Variants in PTPRK observed in about 807,000 individuals in gnomAD.
PTPRK encodes the protein receptor-type tyrosine-protein phosphatase kappa.
A neutral mutation model predicts 178.0 loss-of-function variants in PTPRK; 75 were observed. The observed-to-expected ratio is 0.42, with a 90% CI of 0.35 to 0.51. The LOEUF is 0.51. PTPRK is among the 20% of genes least tolerant of loss of function. The probability of loss-of-function intolerance (pLI) is 0.02; values close to 1 mark genes in which losing one functional copy is unlikely to be tolerated. For missense variants in PTPRK, 1,441 were observed against 1,797.8 expected, an observed-to-expected ratio of 0.80 and a Z score of 3.59; for synonymous variants, 637 against 620.6, an observed-to-expected ratio of 1.03 and a Z score of -0.39.
chr6:128,124,890 T>G (rs941808247), intron 7 of PTPRK, among the ~76,000 whole-genome samples: 1 of 152,202 alleles, frequency 6.6e-6, no homozygotes, highest in Admixed American at 6.5e-5. Context: ...CCATGAGTCA[T>G]GAGCCTGCTG....
chr6:128,260,768 A>G (rs1818061188), intron 3 of PTPRK, among the ~76,000 whole-genome samples: 1 of 152,182 alleles, frequency 6.6e-6, no homozygotes, highest in Admixed American at 6.6e-5. Context: ...TGGTCCCTGA[A>G]CTTTCATGTA....
chr6:128,121,354 T>G (rs1192736766), intron 7 of PTPRK, among the ~76,000 whole-genome samples: 2 of 151,946 alleles, frequency 1.3e-5, no homozygotes, highest in African/African-American at 4.8e-5. Context: ...ATACAAATGT[T>G]AAATGGAAGT....
chr6:128,448,886 G>A (rs1217265472), intron 1 of PTPRK, among the ~76,000 whole-genome samples: 2 of 152,152 alleles, frequency 1.3e-5, no homozygotes, highest in African/African-American at 4.8e-5. Context: ...TTGAGAAAGA[G>A]TCTCGCTTTG....
intron 6 of PTPRK, among the ~76,000 whole-genome samples, chr6:128,205,777 CAAAAAAAA>C (rs57003128): frequency 1.1e-3 from 16 of 15,230 alleles, no homozygotes; most frequent in African/African-American, 2.9e-3. Flanking sequence ...CATCACAGAC[CAAAAAAAA>C]AAAAAAAAAA....
intron 2 of PTPRK, 22 bp from the exon 3 acceptor site, chr6:128,322,332 T>C: frequency 6.5e-7 from 1 of 1,535,902 alleles, no homozygotes; most frequent in Non-Finnish European, 9.0e-7. Context: ...TTACAAATAA[T>C]AATGCTAAAG....
Position 127,973,016 on chromosome 6 carries a change from A to T in PTPRK, c.4269+6T>A, listed in dbSNP as rs1774116970. On this transcript the variant is annotated splice_donor_region_variant and intron_variant, in intron 29 of 29. Transcript: ENST00000368226. ...TGCCTTCCAAATCTAAGATTCTGTGACTCACCGGGGCTTCCACCATGTTTG... is the reference window on the plus strand; with the variant it reads ...TGCCTTCCAAATCTAAGATTCTGTGTCTCACCGGGGCTTCCACCATGTTTG... 2 of 1,613,610 alleles carry T rather than the reference A, an allele frequency of 1.2e-6. No individual in the cohort carries two copies. The highest frequency in any genetic ancestry group is 4.5e-5 in the East Asian group (2 of 44,860).
At chr6:128,150,518 C>T (rs780351369) in intron 7 of PTPRK, among the ~76,000 whole-genome samples, 33 of 152,114 alleles carry the variant, frequency 2.2e-4, no homozygotes, top group Admixed American at 2.0e-4. Flanking sequence ...TTTCCCTCCC[C>T]GGCCTTCCCT....
At chr6:128,279,315 TAA>T (rs1443753512) in intron 3 of PTPRK, among the ~76,000 whole-genome samples, 1 of 152,046 alleles carries the variant, frequency 6.6e-6, no homozygotes, top group Non-Finnish European at 1.5e-5. Context: ...AAAATTAACA[TAA>T]GTCAGCCCCT....
At chr6:128,212,955 T>C (rs573307309) in intron 6 of PTPRK, among the ~76,000 whole-genome samples, 1 of 152,022 alleles carries the variant, frequency 6.6e-6, no homozygotes, top group African/African-American at 2.4e-5. Flanking sequence ...GTATTTGGCA[T>C]AATGGTGTAC....
At chr6:128,076,022 G>C (rs1039681437) in intron 11 of PTPRK, among the ~76,000 whole-genome samples, 1 of 151,910 alleles carries the variant, frequency 6.6e-6, no homozygotes, top group East Asian at 1.9e-4. Context: ...AGGTGACAGG[G>C]GTGGCAGGGG....
chr6:128,138,461 C>T (rs1795315148), intron 7 of PTPRK, among the ~76,000 whole-genome samples: 1 of 152,040 alleles, frequency 6.6e-6, no homozygotes, highest in Admixed American at 6.6e-5. Context: ...AATTTCATTC[C>T]TTATTCAAGA....
At chr6:128,407,926 T>C (rs751768037) in intron 1 of PTPRK, among the ~76,000 whole-genome samples, 5 of 152,190 alleles carry the variant, frequency 3.3e-5, no homozygotes, top group Non-Finnish European at 2.9e-5. Context: ...AGTATGAAGA[T>C]AGCATTTGAA....
chr6:128,027,016 T>C (rs975746268), intron 13 of PTPRK, among the ~76,000 whole-genome samples: 2 of 152,170 alleles, frequency 1.3e-5, no homozygotes, highest in African/African-American at 4.8e-5. Flanking sequence ...TTTTATGACT[T>C]GACTTACAGC....
intron 1 of PTPRK, among the ~76,000 whole-genome samples, chr6:128,517,531 T>C (rs1203611205): frequency 1.3e-5 from 2 of 152,204 alleles, no homozygotes; most frequent in Non-Finnish European, 2.9e-5. Flanking sequence ...ACTGAAAGAA[T>C]GTATGAGTTG....
intron 1 of PTPRK, among the ~76,000 whole-genome samples, chr6:128,412,744 C>T (rs957814503): frequency 1.3e-5 from 2 of 152,226 alleles, no homozygotes; most frequent in African/African-American, 2.4e-5. Flanking sequence ...AGACACTCCA[C>T]GTGGTAGAGT....
chr6:128,365,451 A>C (rs952947362), intron 2 of PTPRK, among the ~76,000 whole-genome samples: 1 of 152,156 alleles, frequency 6.6e-6, no homozygotes, highest in Non-Finnish European at 1.5e-5. Flanking sequence ...GAAGTGGTAA[A>C]ATAAAAATAC....
chr6:128,035,410 T>G (rs539260220), intron 13 of PTPRK, among the ~76,000 whole-genome samples: 3 of 149,916 alleles, frequency 2.0e-5, no homozygotes, highest in Non-Finnish European at 4.4e-5. Context: ...GCTCTTTTTA[T>G]CAAAACATTA....
At chr6:128,279,939 G>A (rs2128301869) in intron 3 of PTPRK, among the ~76,000 whole-genome samples, 1 of 152,188 alleles carries the variant, frequency 6.6e-6, no homozygotes, top group African/African-American at 2.4e-5. Flanking sequence ...AGGCAGTAAA[G>A]TCTTTGTTAA....
chr6:128,394,671 T>C (rs1482192194), intron 2 of PTPRK, among the ~76,000 whole-genome samples: 1 of 152,218 alleles, frequency 6.6e-6, no homozygotes, highest in African/African-American at 2.4e-5. Context: ...CTTTCAGTCA[T>C]CATCATTGTA....
Sources: gnomAD v4.1 joint callset for allele counts (sites outside exome capture counted in the v4.1 genomes callset) on GRCh38, gnomAD v4.1.1 for gene constraint, MANE v1.5 for transcripts, NCBI Gene and HGNC (gene_info 2026-07-23, HGNC 2026-07-21) for gene names.